PROS1: variants seen among roughly 807,000 people sequenced by gnomAD.
The protein encoded by PROS1 is protein S.
A neutral mutation model predicts 75.9 loss-of-function variants in PROS1; 29 were observed. That is an observed-to-expected ratio of 0.38 (90% CI 0.28 to 0.52). The LOEUF (loss-of-function observed/expected upper bound fraction) is 0.52, where lower values mean the gene tolerates loss of function less well. Among genes scored for constraint, PROS1 ranks in the 20% least tolerant of loss-of-function variants. PROS1 has a pLI of 0.83. For missense variants in PROS1, 680 were observed against 810.3 expected, an observed-to-expected ratio of 0.84 and a Z score of 1.95; for synonymous variants, 245 against 280.6, an observed-to-expected ratio of 0.87 and a Z score of 1.27.
At chr3:93,918,255 G>A (rs575659766) in intron 3 of PROS1, among the ~76,000 whole-genome samples, 2 of 152,204 alleles carry the variant, frequency 1.3e-5, no homozygotes, top group South Asian at 4.2e-4. Context: ...CTCAGGGATT[G>A]TAAACGCACC....
At chr3:93,895,460 G>A (rs1466831466) in intron 9 of PROS1, among the ~76,000 whole-genome samples, 1 of 152,124 alleles carries the variant, frequency 6.6e-6, no homozygotes, top group Non-Finnish European at 1.5e-5. Flanking sequence ...AAGTATTTAT[G>A]TAAGTTATTG....
intron 3 of PROS1, among the ~76,000 whole-genome samples, chr3:93,919,418 TA>T (rs1254557588): frequency 1.0e-5 from 1 of 97,522 alleles, no homozygotes; most frequent in East Asian, 3.7e-4. Flanking sequence ...AAATTTTCCC[TA>T]TTTTTTTTTT....
intron 3 of PROS1, among the ~76,000 whole-genome samples, chr3:93,922,953 C>T (rs1215579653): frequency 6.6e-6 from 1 of 152,070 alleles, no homozygotes; most frequent in Non-Finnish European, 1.5e-5. Context: ...TATTTATGTA[C>T]GTTGACATAT....
rs776490592 is a variant in PROS1, at chr3:93,892,944, G to A, written c.1144C>T (p.Leu382=). 2 of 1,611,130 alleles carry A rather than the reference G, an allele frequency of 1.2e-6. No homozygotes were observed. The highest frequency in any genetic ancestry group is 2.2e-5 in the South Asian group (2 of 90,954). Residue 382 remains leucine, a synonymous_variant, in exon 10 of 15, where the codon CTA becomes TTA. Transcript: ENST00000394236. ...ATCTGCAAACGTACCATATTCCATA[G>A]ACCATTATTAATAACATCACCTCCA... ...TTGGDVINNG[L]WNMVSVEELE...
chr3:93,952,839 A>C (rs890322502), intron 1 of PROS1, among the ~76,000 whole-genome samples: 2 of 152,242 alleles, frequency 1.3e-5, no homozygotes, highest in African/African-American at 4.8e-5. Context: ...TAGTGAGACT[A>C]ATAAAGAAGA....
intron 13 of PROS1, among the ~76,000 whole-genome samples, chr3:93,878,253 T>C (rs1181386089): frequency 3.9e-5 from 6 of 152,014 alleles, no homozygotes; most frequent in African/African-American, 1.4e-4. Context: ...AATCCAAATG[T>C]AGAAAGCTCC....
intron 1 of PROS1, among the ~76,000 whole-genome samples, chr3:93,961,977 C>G (rs1281236193): frequency 2.0e-5 from 3 of 152,122 alleles, no homozygotes; most frequent in Admixed American, 2.0e-4. Flanking sequence ...CCACTCTCCC[C>G]CAATATAGAA....
intron 1 of PROS1, among the ~76,000 whole-genome samples, chr3:93,968,781 C>A (rs139295352): frequency 6.6e-6 from 1 of 151,984 alleles, no homozygotes; most frequent in African/African-American, 2.4e-5. Flanking sequence ...AGACAATAAT[C>A]CAGGCAAAAT....
rs1708154939 is a variant in PROS1 at position 93,874,477 on chromosome 3, A to C, written c.1871-72T>G. On this transcript the variant is annotated intron_variant, in intron 14 of 14. Coordinates refer to ENST00000394236, the MANE Select transcript of PROS1 (RefSeq NM_000313.4). ...TTGTTTGTTTACAGTGAGAGAAGTC[A>C]TTCAGACTTCCTGTTTCCAACCAAA... The C allele has an allele frequency of 3.8e-6, 6 of 1,571,532 alleles. No individual in the cohort carries two copies. The South Asian group carries it at 4.6e-5, about 12-fold the overall frequency.
Position 93,967,195 on chromosome 3 carries a change from G to A in PROS1, c.76+6479C>T, listed in dbSNP as rs571932004. Among the ~76,000 whole-genome samples the A allele has an allele frequency of 8.5e-5, 13 of 152,160 alleles. No homozygotes were observed. The South Asian group carries it at 1.7e-3, about 19-fold the overall frequency. ...TTTTTCTGCAGGATTGCTATTCCTCGAGCTGCTAAAAGTTGAACATATCAC... is the reference window on the plus strand; with the variant it reads ...TTTTTCTGCAGGATTGCTATTCCTCAAGCTGCTAAAAGTTGAACATATCAC... On this transcript the variant is annotated intron_variant, in intron 1 of 14. Transcript: ENST00000394236.
chr3:93,972,562 G>A (rs1709894911), intron 1 of PROS1, among the ~76,000 whole-genome samples: 1 of 152,106 alleles, frequency 6.6e-6, no homozygotes, highest in South Asian at 2.1e-4. Flanking sequence ...TTTTTGGCCA[G>A]GTGCGGTGGC....
rs1220507807 is a variant in PROS1, at chr3:93,892,368, T to G, written c.1155+565A>C. On this transcript the variant is annotated intron_variant, in intron 10 of 14. Transcript: ENST00000394236. Reference sequence around the variant, plus strand: ...TGCTAGCCGCGGTGGCTCACATCTGTAATCCCAGGACTTTGGGAGGCCAAG... The same window carrying G: ...TGCTAGCCGCGGTGGCTCACATCTGGAATCCCAGGACTTTGGGAGGCCAAG... 5.3e-5 allele frequency among the ~76,000 whole-genome samples: 8 copies of G among 150,624 alleles called. No individual in the cohort carries two copies. The East Asian group carries it at 1.6e-3, about 30-fold the overall frequency.
intron 1 of PROS1, among the ~76,000 whole-genome samples, chr3:93,953,968 T>C: frequency 6.6e-6 from 1 of 152,160 alleles, no homozygotes; most frequent in Non-Finnish European, 1.5e-5. Flanking sequence ...GAACTCCCAT[T>C]CACAATTGCT....
chr3:93,943,127 C>T (rs1709315841), intron 1 of PROS1, among the ~76,000 whole-genome samples: 1 of 152,176 alleles, frequency 6.6e-6, no homozygotes, highest in Admixed American at 6.5e-5. Flanking sequence ...AGCAGTTTCT[C>T]AGTCTCTTGG....
chr3:93,958,469 G>T (rs999649448), intron 1 of PROS1: 9 of 152,158 alleles, frequency 5.9e-5, no homozygotes, highest in Admixed American at 2.0e-4. Context: ...CTTCATTCTT[G>T]TGGATAGTCA....
chr3:93,907,135 C>A (rs527312167), intron 4 of PROS1, among the ~76,000 whole-genome samples: 1 of 152,246 alleles, frequency 6.6e-6, no homozygotes, highest in Non-Finnish European at 1.5e-5. Context: ...GTCCTGCTGA[C>A]TGATGGGGGA....
At chr3:93,955,310 A>G (rs9815634) in intron 1 of PROS1, among the ~76,000 whole-genome samples, 10,587 of 152,248 alleles carry the variant, frequency 0.07, 789 homozygotes, top group African/African-American at 0.19. Context: ...ACAATAGCAA[A>G]GACTTGGAAC....
intron 10 of PROS1, among the ~76,000 whole-genome samples, chr3:93,888,882 C>T (rs1167372672): frequency 6.6e-5 from 10 of 152,094 alleles, no homozygotes; most frequent in Non-Finnish European, 8.8e-5. Flanking sequence ...CATCCAGGGC[C>T]TTTCAATTTA....
intron 14 of PROS1, among the ~76,000 whole-genome samples, chr3:93,876,213 C>T (rs1321612662): frequency 6.6e-6 from 1 of 152,164 alleles, no homozygotes; most frequent in Non-Finnish European, 1.5e-5. Flanking sequence ...CCTCACTGGA[C>T]TATTTTGAAA....
Sources: allele counts gnomAD v4.1 joint callset (sites outside exome capture counted in the v4.1 genomes callset), GRCh38; gene constraint gnomAD v4.1.1; transcripts MANE v1.5; gene names NCBI Gene and HGNC (gene_info 2026-07-23, HGNC 2026-07-21).